The following GSE1 variants were observed in gnomAD, a reference collection of about 807,000 sequenced individuals.
The protein encoded by GSE1 is genetic suppressor element 1.
Under a neutral mutation model 112.6 loss-of-function variants are expected in GSE1, and 32 were observed. The observed-to-expected ratio is 0.28, with a 90% CI of 0.21 to 0.38. The LOEUF is 0.38. GSE1 is among the 10% of genes least tolerant of loss of function. The pLI, the probability that GSE1 is intolerant of heterozygous loss-of-function variation, is 1.00. For missense variants in GSE1, 2,348 were observed against 1,699.2 expected, an observed-to-expected ratio of 1.38 and a Z score of -6.71; for synonymous variants, 1,115 against 735.6, an observed-to-expected ratio of 1.52 and a Z score of -8.35.
chr16:85,437,132 C>T (rs971030932), intron 2 of GSE1, among the ~76,000 whole-genome samples: 7 of 152,260 alleles, frequency 4.6e-5, no homozygotes, highest in Admixed American at 3.3e-4. Context: ...GGTGGGGCGA[C>T]GAGGCGGCCT....
intron 2 of GSE1, among the ~76,000 whole-genome samples, chr16:85,479,739 G>A (rs558343393): frequency 5.3e-5 from 8 of 152,288 alleles, no homozygotes; most frequent in East Asian, 3.9e-4. Context: ...GGCTGGGGAC[G>A]TCCCATTGCC....
intron 1 of GSE1, among the ~76,000 whole-genome samples, chr16:85,235,654 C>T (rs1904555477): frequency 6.6e-6 from 1 of 151,684 alleles, no homozygotes; most frequent in Admixed American, 6.5e-5. Context: ...CCCTCCTCCC[C>T]CCGAGGGTGG....
At chr16:85,371,367 C>T (rs1013116947) in intron 2 of GSE1, among the ~76,000 whole-genome samples, 1 of 152,176 alleles carries the variant, frequency 6.6e-6, no homozygotes, top group Non-Finnish European at 1.5e-5. Flanking sequence ...GGACAGAAGA[C>T]GGAGATAGCA....
At position 85,373,436 on chromosome 16, in the gene GSE1, A is replaced by C. The variant is rs556493066; in HGVS notation, c.2464+15793A>C. 4.6e-5 allele frequency among the ~76,000 whole-genome samples: 7 copies of C among 152,126 alleles called. No homozygotes were observed. The East Asian group carries it at 1.4e-3, about 29-fold the overall frequency. ...AAGGGAGGGAAGAGCAGAGGAGGGGAGGGGACGAGAACCTCTCCCCCTCCG... is the reference window on the plus strand; with the variant it reads ...AAGGGAGGGAAGAGCAGAGGAGGGGCGGGGACGAGAACCTCTCCCCCTCCG... On this transcript the variant is annotated intron_variant, in intron 2 of 2. Coordinates refer to the GSE1 transcript ENST00000637419. The surrounding 1 kb of genome is among the most constrained non-coding windows in gnomAD (Gnocchi z 5.1).
Position 85,348,569 on chromosome 16 carries a change from C to T in GSE1, c.2284-8894C>T, listed in dbSNP as rs138666625. The stretch of plus-strand genomic sequence containing the variant: ...ATCCATGAAATGCAGGCTCCTTTCC[C>T]TAACCCAGACATCCGGGGCAAGGTG... On this transcript the variant is annotated intron_variant, in intron 1 of 2. Coordinates refer to the GSE1 transcript ENST00000637419. 8.3e-3 allele frequency among the ~76,000 whole-genome samples: 1,267 copies of T among 152,332 alleles called. 12 individuals carry two copies. Among genetic ancestry groups the T allele is most frequent in the Non-Finnish European group, 0.015 (998 of 68,034 alleles).
At chr16:85,307,077 C>T (rs2045699021) in intron 1 of GSE1, among the ~76,000 whole-genome samples, 1 of 150,426 alleles carries the variant, frequency 6.6e-6, no homozygotes, top group Admixed American at 6.6e-5. Context: ...TGAGTTTGGG[C>T]AGAGGTTGTT....
chr16:85,388,516 A>C (rs1395741742), intron 2 of GSE1, among the ~76,000 whole-genome samples: 1 of 141,620 alleles, frequency 7.1e-6, no homozygotes, highest in Non-Finnish European at 1.5e-5. Flanking sequence ...GGATGGATGG[A>C]TACATAGGTG....
At chr16:85,649,450 C>T (rs899183512) in intron 3 of GSE1, among the ~76,000 whole-genome samples, 1 of 152,224 alleles carries the variant, frequency 6.6e-6, no homozygotes, top group Non-Finnish European at 1.5e-5. Flanking sequence ...TTTTGTGTTT[C>T]TGTCTTACTT....
chr16:85,282,209 G>C (rs1567660625), intron 1 of GSE1, among the ~76,000 whole-genome samples: 1 of 152,074 alleles, frequency 6.6e-6, no homozygotes, highest in African/African-American at 2.4e-5. Context: ...TGTATTTTCA[G>C]TAGAGACGGG....
chr16:85,602,773 T>C lies in GSE1; in HGVS notation c.38-45779T>C, dbSNP rs373621500. Among the ~76,000 whole-genome samples the C allele has an allele frequency of 5.3e-5, 8 of 152,274 alleles. No homozygotes were observed. In the South Asian group the frequency reaches 1.7e-3, roughly 32 times the overall value. ...GGCTTTTGAGTGAATCACCCAAATT[T>C]CCGGTCCACTGGTGTCCAGGCTCAG... On this transcript the variant is annotated intron_variant, in intron 1 of 2. Coordinates refer to the GSE1 transcript ENST00000635906.
At chr16:85,661,801 G>T (rs199920694) in intron 9 of GSE1, 36 bp downstream of exon 9, 1 of 1,458,396 alleles carries the variant, frequency 6.9e-7, no homozygotes, top group African/African-American at 1.4e-5. Context: ...TGCTCAGGGA[G>T]AGCCGCACAG....
intron 1 of GSE1, among the ~76,000 whole-genome samples, chr16:85,236,005 A>C (rs569392271): frequency 1.4e-5 from 2 of 146,472 alleles, no homozygotes; most frequent in African/African-American, 5.1e-5. Context: ...CCTGGGGCTG[A>C]GGCTGGGCCT....
In GSE1 at chr16:85,268,697, C is replaced by T. The variant is rs145779047; in HGVS notation, c.2284-88766C>T. On this transcript the variant is annotated intron_variant, in intron 1 of 2. Transcript: ENST00000637419. ...CCCCCCAAGGGCCTGGACAATTCAC[C>T]TGCCAGCACAGCCTCAGCAGGAGGG... Among the ~76,000 whole-genome samples, 60 of 152,334 alleles carry T rather than the reference C, an allele frequency of 3.9e-4. No homozygotes were observed. In the East Asian group the frequency reaches 0.011, roughly 29 times the overall value.
intron 1 of GSE1, among the ~76,000 whole-genome samples, chr16:85,207,238 C>T (rs943923004): frequency 6.6e-6 from 1 of 152,250 alleles, no homozygotes; most frequent in African/African-American, 2.4e-5. Context: ...CCCACTTGCT[C>T]CTCTCGGCCA....
intron 1 of GSE1, among the ~76,000 whole-genome samples, chr16:85,282,262 G>A (rs573253152): frequency 2.0e-5 from 3 of 152,240 alleles, no homozygotes; most frequent in East Asian, 1.9e-4. Context: ...TCTTGACCTC[G>A]TGATCCAGCC....
intron 2 of GSE1, among the ~76,000 whole-genome samples, chr16:85,525,808 C>T (rs1425919681): frequency 2.6e-5 from 4 of 152,190 alleles, no homozygotes; most frequent in African/African-American, 4.8e-5. Context: ...TCCTATAATG[C>T]CACCCACATC....
At chr16:85,438,589 A>G (rs1415256546) in intron 2 of GSE1, among the ~76,000 whole-genome samples, 2 of 152,182 alleles carry the variant, frequency 1.3e-5, no homozygotes, top group Non-Finnish European at 2.9e-5. Context: ...TCACTTGCCC[A>G]TGCTCTTACA....
At chr16:85,555,669 C>T, upstream of GSE1, 3 of 810,206 alleles carry the variant, frequency 3.7e-6, no homozygotes, top group Non-Finnish European at 1.5e-6. Context: ...GATACCCCCT[C>T]CCGCCGCCCC....
chr16:85,590,445 A>G (rs1223898918), intron 1 of GSE1, among the ~76,000 whole-genome samples: 4 of 144,100 alleles, frequency 2.8e-5, no homozygotes, highest in South Asian at 4.6e-4. Flanking sequence ...GAGTGTGAGC[A>G]TGTGTGATTG....
Sources: gnomAD v4.1 joint callset for allele counts (sites outside exome capture counted in the v4.1 genomes callset) on GRCh38, gnomAD v4.1.1 for gene constraint, Gnocchi (gnomAD v3.1) non-coding constraint, MANE v1.5 for transcripts, NCBI Gene and HGNC (gene_info 2026-07-23, HGNC 2026-07-21) for gene names.